The following NRXN3 variants were observed in gnomAD, a reference collection of about 807,000 sequenced individuals.
NRXN3 encodes neurexin 3, also known as neurexin III.
In NRXN3, 32 loss-of-function variants were observed where a neutral mutation model predicts 137.6. The observed-to-expected ratio is 0.23, with a 90% CI of 0.18 to 0.31. The LOEUF (loss-of-function observed/expected upper bound fraction) is 0.31, where lower values mean the gene tolerates loss of function less well. Among genes scored for constraint, NRXN3 ranks in the 10% least tolerant of loss-of-function variants. The probability of loss-of-function intolerance (pLI) is 1.00; values close to 1 mark genes in which losing one functional copy is unlikely to be tolerated. For missense variants in NRXN3, 1,574 were observed against 2,062.5 expected (o/e 0.76, Z 4.59); for synonymous variants, 798 against 784.5 (o/e 1.02, Z -0.29).
At position 79,564,169 on chromosome 14, in the gene NRXN3, TAA is replaced by T. The variant is rs58359034; in HGVS notation, c.3444+96779_3444+96780del. Among the ~76,000 whole-genome samples the T allele has an allele frequency of 6.7e-3, 958 of 143,844 alleles. 12 individuals carry two copies. Among genetic ancestry groups the T allele is most frequent in the Middle Eastern group, 0.039 (11 of 282 alleles). The allele number at this position is 143,844 out of a possible 152,430, so 94.4% of individuals were successfully genotyped here. ...AGCATGCCCAGAATCTCAAAAAGAT[TAA>T]AAAAAAAAAAAGATGTTCCTAGGTT... On this transcript the variant is annotated intron_variant, in intron 16 of 20. Transcript: ENST00000335750.
intron 4 of NRXN3, among the ~76,000 whole-genome samples, chr14:78,419,013 T>C (rs1322001415): frequency 6.6e-6 from 1 of 152,180 alleles, no homozygotes; most frequent in African/African-American, 2.4e-5. Context: ...GTTTATTGAG[T>C]GCTAACTCTG....
chr14:78,539,167 T>C (rs1280392349), intron 4 of NRXN3, among the ~76,000 whole-genome samples: 1 of 152,198 alleles, frequency 6.6e-6, no homozygotes, highest in East Asian at 1.9e-4. Context: ...TTCTATTGAT[T>C]GGAATAGTTT....
At chr14:79,725,132 A>G (rs1015347591) in intron 19 of NRXN3, among the ~76,000 whole-genome samples, 30 of 152,168 alleles carry the variant, frequency 2.0e-4, no homozygotes, top group African/African-American at 6.8e-4. Flanking sequence ...AAGAGAAAAT[A>G]TCAACCTGGC....
chr14:79,711,009 A>G (rs2098801859), intron 19 of NRXN3, among the ~76,000 whole-genome samples: 2 of 152,248 alleles, frequency 1.3e-5, no homozygotes, highest in African/African-American at 2.4e-5. Context: ...GGCAGCAGCC[A>G]TCTATATTTA....
At chr14:78,171,557 A>G (rs1228581394) in intron 1 of NRXN3, among the ~76,000 whole-genome samples, 1 of 151,908 alleles carries the variant, frequency 6.6e-6, no homozygotes, top group African/African-American at 2.4e-5. Context: ...TGCTGTACCC[A>G]GAGTTTCAGC....
At chr14:79,514,294 T>G (rs1393338508) in intron 16 of NRXN3, among the ~76,000 whole-genome samples, 1 of 151,994 alleles carries the variant, frequency 6.6e-6, no homozygotes, top group Admixed American at 6.6e-5. Context: ...AAGCAGCATT[T>G]TAGAGTTCAG....
At position 78,709,535 on chromosome 14, in the gene NRXN3, G is replaced by A. The variant is rs774845718; in HGVS notation, c.1540G>A (p.Asp514Asn). 3.7e-6 allele frequency: 6 copies of A among 1,613,994 alleles called. No homozygotes were observed. The highest frequency in any genetic ancestry group is 5.1e-6 in the Non-Finnish European group (6 of 1,179,994). Reference sequence around the variant, plus strand: ...AGACTTCTTTGCCGTGGAACTCCTCGATGGCAACCTGTACTTGCTGCTTGA... The same window carrying A: ...AGACTTCTTTGCCGTGGAACTCCTCAATGGCAACCTGTACTTGCTGCTTGA... ...KVDFFAVELL[D>N]GNLYLLLDMG... is the part of the protein sequence containing the mutation. Residue 514 changes from aspartate to asparagine, a missense_variant, in exon 7 of 21, where the codon GAT (aspartate) becomes AAT (asparagine). This residue lies in a region of NRXN3 where 718 missense variants were observed against 887.6 expected (regional missense o/e 0.81). Coordinates refer to ENST00000335750, the MANE Select transcript of NRXN3 (RefSeq NM_001330195.2).
At chr14:78,745,183 T>A (rs1427580957) in intron 8 of NRXN3, 1 of 152,218 alleles carries the variant, frequency 6.6e-6, no homozygotes, top group Non-Finnish European at 1.5e-5. Context: ...GAGCTTGGAA[T>A]CAGAAAATAG....
Position 78,966,165 on chromosome 14 carries a change from A to G in NRXN3, c.2536A>G (p.Ile846Val). 1 of 1,614,122 alleles carries G rather than the reference A, an allele frequency of 6.2e-7. No individual in the cohort carries two copies. Among genetic ancestry groups the G allele is most frequent in the Non-Finnish European group, 8.5e-7 (1 of 1,180,002 alleles). Reference sequence around the variant, plus strand: ...CCTCATGTTTAATGGCCTTCTCTACATTGACTTGTGCAAAAATGGTGACAT... The same window carrying G: ...CCTCATGTTTAATGGCCTTCTCTACGTTGACTTGTGCAAAAATGGTGACAT... ...QSLMFNGLLY[I>V]DLCKNGDIDY... Residue 846 changes from isoleucine (I) to valine (V), a missense_variant, in exon 12 of 21, where the codon ATT (isoleucine) becomes GTT (valine). Physicochemically the swap from Ile to Val is conservative, Grantham distance 29 (BLOSUM62 3). This residue lies in a region of NRXN3 where 718 missense variants were observed against 887.6 expected (regional missense o/e 0.81). Coordinates refer to ENST00000335750, the MANE Select transcript of NRXN3 (RefSeq NM_001330195.2).
rs577505328 is a variant in NRXN3, at chr14:79,163,177, T to C, written c.3262+175036T>C. Among the ~76,000 whole-genome samples the C allele has an allele frequency of 2.0e-5, 3 of 151,874 alleles. No individual in the cohort carries two copies. The South Asian group carries it at 6.2e-4, about 32-fold the overall frequency. ...TTTACAAAAATAAACTTATCAGTAG[T>C]TTTAGAGACTGCCATTGGAGCAATT... On this transcript the variant is annotated intron_variant, in intron 15 of 20. Coordinates refer to ENST00000335750, the MANE Select transcript of NRXN3 (RefSeq NM_001330195.2).
At chr14:78,181,626 G>A (rs553448121) in intron 1 of NRXN3, among the ~76,000 whole-genome samples, 43 of 152,250 alleles carry the variant, frequency 2.8e-4, no homozygotes, top group African/African-American at 1.0e-3. Context: ...AAATTCGGCA[G>A]ACTGCCTTCT....
intron 16 of NRXN3, among the ~76,000 whole-genome samples, chr14:79,580,647 T>A (rs2097706838): frequency 6.6e-6 from 1 of 152,208 alleles, no homozygotes; most frequent in African/African-American, 2.4e-5. Context: ...GTCCATTTTA[T>A]CTGTTTCTTT....
Position 79,794,091 on chromosome 14 carries a change from C to T in NRXN3, c.4015-11021C>T, listed in dbSNP as rs1263238750. The stretch of plus-strand genomic sequence containing the variant: ...TTCTGATTAGCAATCCTAGAGAGAA[C>T]AGGTGGCTCACGCCTGTAATCCCAG... On this transcript the variant is annotated intron_variant, in intron 19 of 20. Coordinates refer to ENST00000335750, the MANE Select transcript of NRXN3 (RefSeq NM_001330195.2). Among the ~76,000 whole-genome samples the T allele has an allele frequency of 2.0e-5, 3 of 152,178 alleles. No homozygotes were observed. The East Asian group carries it at 5.8e-4, about 29-fold the overall frequency.
At chr14:79,381,578 A>G (rs1329602784) in intron 15 of NRXN3, among the ~76,000 whole-genome samples, 2 of 151,998 alleles carry the variant, frequency 1.3e-5, no homozygotes, top group Non-Finnish European at 2.9e-5. Flanking sequence ...GGGAAATTGT[A>G]TTTTTTTCTT....
At chr14:78,799,223 G>C (rs2161878) in intron 8 of NRXN3, among the ~76,000 whole-genome samples, 149,921 of 152,316 alleles carry the variant, frequency 0.98, 73,828 homozygotes, top group East Asian at 1. Flanking sequence ...TAATGACACC[G>C]AAGTTACCTC....
intron 8 of NRXN3, among the ~76,000 whole-genome samples, chr14:78,720,632 A>T (rs754229890): frequency 6.6e-6 from 1 of 152,186 alleles, no homozygotes; most frequent in African/African-American, 2.4e-5. Flanking sequence ...CCCATCCTGC[A>T]TCTGTCCACT....
intron 4 of NRXN3, among the ~76,000 whole-genome samples, chr14:78,433,332 G>A (rs1370744481): frequency 6.6e-6 from 1 of 152,046 alleles, no homozygotes; most frequent in African/African-American, 2.4e-5. Flanking sequence ...CTACTTGCTG[G>A]TGAAAATGCT....
intron 15 of NRXN3, among the ~76,000 whole-genome samples, chr14:79,353,440 A>T (rs2093305345): frequency 6.6e-6 from 1 of 151,902 alleles, no homozygotes; most frequent in Admixed American, 6.6e-5. Context: ...TGCCTTTCCT[A>T]TCTTCACAAT....
intron 4 of NRXN3, among the ~76,000 whole-genome samples, chr14:78,587,097 T>C (rs2097071856): frequency 6.6e-6 from 1 of 152,202 alleles, no homozygotes; most frequent in Non-Finnish European, 1.5e-5. Context: ...GGGAAAGAAA[T>C]ACTTTGCATC....
Sources: gnomAD v4.1 joint callset for allele counts (sites outside exome capture counted in the v4.1 genomes callset) on GRCh38, gnomAD v4.1.1 for gene constraint, gnomAD v4.1.1 regional missense constraint, MANE v1.5 for transcripts, NCBI Gene and HGNC (gene_info 2026-07-23, HGNC 2026-07-21) for gene names.